The following FER1L5 variants were observed in gnomAD, a reference collection of about 807,000 sequenced individuals.
FER1L5 encodes fer-1 like family member 5, also known as fer-1-like protein 5.
A neutral mutation model predicts 279.9 loss-of-function variants in FER1L5; 187 were observed. The ratio of observed to expected loss-of-function variants is 0.67; its 90% CI spans 0.59 to 0.75. The LOEUF is 0.75. Among genes scored for constraint, FER1L5 ranks in the 30% least tolerant of loss-of-function variants. FER1L5 has a pLI of 0.00. For synonymous variants in FER1L5, 921 were observed against 989.7 expected (o/e 0.93, Z 1.30); for missense variants, 2,091 against 2,594.4 (o/e 0.81, Z 4.21).
intron 13 of FER1L5, among the ~76,000 whole-genome samples, chr2:96,662,523 T>C (rs959046295): frequency 6.6e-6 from 1 of 151,894 alleles, no homozygotes; most frequent in African/African-American, 2.4e-5. Flanking sequence ...GTGAACACCA[T>C]CGAAACTGTC....
chr2:96,688,566 A>AG (rs914719236), intron 24 of FER1L5, among the ~76,000 whole-genome samples: 1 of 152,180 alleles, frequency 6.6e-6, no homozygotes, highest in African/African-American at 2.4e-5. Flanking sequence ...TGAACAGCAG[A>AG]GGGGAAATAA....
chr2:96,700,248 G>T, intron 44 of FER1L5, 84 bp from the exon 45 acceptor site: 1 of 1,588,766 alleles, frequency 6.3e-7, no homozygotes, highest in South Asian at 1.1e-5. Flanking sequence ...TACCCAGGCT[G>T]CGGTCGGGAG....
At chr2:96,679,174 G>T (rs940054494) in intron 19 of FER1L5, among the ~76,000 whole-genome samples, 5 of 151,554 alleles carry the variant, frequency 3.3e-5, no homozygotes, top group Admixed American at 1.3e-4. Flanking sequence ...AACATGGCGA[G>T]ATCCTACAGA....
At position 96,691,224 on chromosome 2, in the gene FER1L5, C is replaced by T. The variant is rs752963843; in HGVS notation, c.2778C>T (p.Gly926=). The T allele has an allele frequency of 2.6e-6, 4 of 1,550,232 alleles. 1 individual carries two copies. The South Asian group carries it at 4.8e-5, about 18-fold the overall frequency. Residue 926 remains glycine, a synonymous_variant, in exon 28 of 53, where the codon GGC becomes GGT. Coordinates refer to ENST00000624922, the MANE Select transcript of FER1L5 (RefSeq NM_001293083.2). This position sits in a 1 kb window ranked among gnomAD's most constrained non-coding sequence, Gnocchi z 6.0. ...WEYGVGIPPS[G]LPQVWSPVEK... is the part of the protein sequence containing the mutation. Reference sequence around the variant, plus strand: ...ATGGAGTGGGGATCCCACCGTCGGGCCTGCCCCAGGTCTGGAGCCCGGTGG... The same window carrying T: ...ATGGAGTGGGGATCCCACCGTCGGGTCTGCCCCAGGTCTGGAGCCCGGTGG...
chr2:96,661,610 T>C (rs2106526409), intron 11 of FER1L5, 58 bp from the exon 12 acceptor site: 1 of 1,547,422 alleles, frequency 6.5e-7, no homozygotes, highest in South Asian at 1.2e-5. Flanking sequence ...CAAAGTCTGG[T>C]GTCCTTGCCT....
intron 21 of FER1L5, 69 bp downstream of exon 21, chr2:96,685,498 C>T (rs1397558548): frequency 1.8e-5 from 24 of 1,346,288 alleles, no homozygotes; most frequent in Middle Eastern, 2.1e-4. Context: ...GGGGACTCAG[C>T]GCAGTGCCCT....
intron 21 of FER1L5, 95 bp downstream of exon 21, chr2:96,685,524 C>G (rs2076888156): frequency 9.6e-7 from 1 of 1,041,730 alleles, no homozygotes; most frequent in South Asian, 1.6e-5. Flanking sequence ...CCTCCCCCCG[C>G]CCTCCTCGGG....
chr2:96,653,911 C>G, intron 8 of FER1L5: 1 of 555,970 alleles, frequency 1.8e-6, no homozygotes, highest in Non-Finnish European at 3.2e-6. Context: ...AACTGCCAGG[C>G]CCTGAACTGG....
Position 96,669,100 on chromosome 2 carries a change from G to C in FER1L5, c.1325G>C (p.Gly442Ala). Residue 442 changes from glycine (G) to alanine (A), a missense_variant, in exon 17 of 53, where the codon GGT becomes GCT. By Grantham distance (60) the Gly-to-Ala change is moderately conservative. Coordinates refer to ENST00000624922, the MANE Select transcript of FER1L5 (RefSeq NM_001293083.2). ...CCCAGCTTCCTGACTCTGCATGGGG[G>C]TAAAAAGGCCCCTTTCAGGATCCAG... ...FGPSFLTLHG[G>A]KKAPFRIQEE... 6.4e-7 allele frequency: 1 copy of C among 1,551,666 alleles called. No homozygotes were observed. The highest frequency in any genetic ancestry group is 8.7e-7 in the Non-Finnish European group (1 of 1,146,984).
rs535494649 is a variant in FER1L5, at chr2:96,646,298, G to T, written c.86-103G>T. 2.2e-5 allele frequency: 29 copies of T among 1,295,868 alleles called. No individual in the cohort carries two copies. The Middle Eastern group carries it at 2.6e-3, about 116-fold the overall frequency. The allele number at this position is 1,295,868 out of a possible 1,614,324, so 80.3% of individuals were successfully genotyped here. Reference sequence around the variant, plus strand: ...CAGGCGTTAGCCACCATGCCCGGCCGACTTGAAGTTTTCTTAGAGTGTCCT... The same window carrying T: ...CAGGCGTTAGCCACCATGCCCGGCCTACTTGAAGTTTTCTTAGAGTGTCCT... On this transcript the variant is annotated intron_variant, in intron 1 of 52. Coordinates refer to ENST00000624922, the MANE Select transcript of FER1L5 (RefSeq NM_001293083.2).
intron 9 of FER1L5, among the ~76,000 whole-genome samples, chr2:96,659,350 C>T (rs201327117): frequency 0.018 from 1,315 of 74,888 alleles, 107 homozygotes; most frequent in South Asian, 0.057. Flanking sequence ...TCCTTCCTTC[C>T]TTCCTTCCTT....
chr2:96,646,559 C>A, intron 2 of FER1L5, 106 bp downstream of exon 2: 3 of 1,150,562 alleles, frequency 2.6e-6, no homozygotes, highest in Non-Finnish European at 2.5e-6. Context: ...GGACGTGCAA[C>A]CTCACAGGCT....
At chr2:96,696,134 G>A in intron 37 of FER1L5, 57 bp downstream of exon 37, 1 of 1,607,582 alleles carries the variant, frequency 6.2e-7, no homozygotes, top group Non-Finnish European at 8.5e-7. Context: ...TATAACCCTT[G>A]GGCCTAAGGA....
chr2:96,703,769 G>T, intron 51 of FER1L5, 137 bp downstream of exon 51: 3 of 608,098 alleles, frequency 4.9e-6, no homozygotes, highest in East Asian at 3.6e-5. Context: ...AATCAGCAAA[G>T]AACAGACTTG....
At position 96,703,201 on chromosome 2, in the gene FER1L5, C is replaced by T. The variant is rs1225287011; in HGVS notation, c.5546C>T (p.Ala1849Val). The T allele has an allele frequency of 6.2e-7, 1 of 1,613,540 alleles. No individual in the cohort carries two copies. Among genetic ancestry groups the T allele is most frequent in the Non-Finnish European group, 8.5e-7 (1 of 1,179,722 alleles). ...LSDMPLPARHAKQCSIRMMDA... is the reference protein window; with the variant it reads ...LSDMPLPARHVKQCSIRMMDA... ...GACATGCCCCTCCCGGCTCGGCACGCCAAGCAGTGCTCCATCAGGATGATG... is the reference window on the plus strand; with the variant it reads ...GACATGCCCCTCCCGGCTCGGCACGTCAAGCAGTGCTCCATCAGGATGATG... The change falls in exon 50 of 53, where the codon GCC becomes GTC. Residue 1849 changes from alanine (A) to valine (V), a missense_variant. By Grantham distance (64) the Ala-to-Val change is moderately conservative. Coordinates refer to ENST00000624922, the MANE Select transcript of FER1L5 (RefSeq NM_001293083.2).
chr2:96,657,569 G>A (rs968205694), intron 9 of FER1L5, among the ~76,000 whole-genome samples: 9 of 152,114 alleles, frequency 5.9e-5, no homozygotes, highest in East Asian at 1.9e-4. Flanking sequence ...GAATCACTCC[G>A]TCTCATTCCC....
At position 96,697,578 on chromosome 2, in the gene FER1L5, T is replaced by A. The variant is rs1479417515; in HGVS notation, c.4134+2T>A. ...TGGTTCAAGTCCAGTAAAGCAGAGG[T>A]GATGAAGGCTCAGCCCCATTCAGTG... On this transcript the variant is annotated splice_donor_variant, in intron 38 of 52. Coordinates refer to ENST00000624922, the MANE Select transcript of FER1L5 (RefSeq NM_001293083.2). LOFTEE classifies it high-confidence loss of function. The A allele has an allele frequency of 6.2e-7, 1 of 1,613,348 alleles. No individual in the cohort carries two copies. Among genetic ancestry groups the A allele is most frequent in the African/African-American group, 1.3e-5 (1 of 74,848 alleles).
intron 1 of FER1L5, among the ~76,000 whole-genome samples, chr2:96,644,656 A>G (rs2075042369): frequency 6.6e-6 from 1 of 152,234 alleles, no homozygotes; most frequent in Non-Finnish European, 1.5e-5. Context: ...TAGTTCCTAC[A>G]GGACATATGA....
At chr2:96,700,575 G>A in intron 45 of FER1L5, 104 bp downstream of exon 45, 1 of 1,481,978 alleles carries the variant, frequency 6.7e-7, no homozygotes, top group South Asian at 1.2e-5. Flanking sequence ...GAGAAGGACA[G>A]GCCAAACATT....
Sources: gnomAD v4.1 joint callset for allele counts (sites outside exome capture counted in the v4.1 genomes callset) on GRCh38, gnomAD v4.1.1 for gene constraint, Gnocchi (gnomAD v3.1) non-coding constraint, MANE v1.5 for transcripts, NCBI Gene and HGNC (gene_info 2026-07-23, HGNC 2026-07-21) for gene names.